Variants in TSHR observed in about 807,000 individuals in gnomAD.
TSHR encodes the protein thyroid stimulating hormone receptor.
Under a neutral mutation model 64.1 loss-of-function variants are expected in TSHR, and 51 were observed. That is an observed-to-expected ratio of 0.80 (90% CI 0.64 to 1.01). The LOEUF (loss-of-function observed/expected upper bound fraction) is 1.01. Among genes scored for constraint, TSHR ranks in the 50% least tolerant of loss-of-function variants. The pLI is 0.00. For synonymous variants in TSHR, 361 were observed against 361.9 expected (o/e 1.00, Z 0.03); for missense variants, 877 against 942.8 (o/e 0.93, Z 0.91).
chr14:81,142,587 T>C (rs1325684674), intron 9 of TSHR, among the ~76,000 whole-genome samples: 4 of 148,532 alleles, frequency 2.7e-5, no homozygotes. Flanking sequence ...GAACCATTCG[T>C]GGGTTTTAAA....
At position 81,116,951 on chromosome 14, in the gene TSHR, G is replaced by C. The variant is rs1485603342; in HGVS notation, c.692+8499G>C. Among the ~76,000 whole-genome samples the C allele has an allele frequency of 2.9e-5, 4 of 138,776 alleles. No individual in the cohort carries two copies. The South Asian group carries it at 1.0e-3, about 36-fold the overall frequency. 91.0% of individuals were successfully genotyped at this position (138,776 alleles called of 152,430 possible). A position where few individuals can be genotyped will look rare whatever the true frequency, so the allele number is the denominator to read the frequency against. On this transcript the variant is annotated intron_variant, in intron 8 of 9. Coordinates refer to ENST00000298171, the MANE Select transcript of TSHR (RefSeq NM_000369.5). ...ATGACTACTGGGTACATAACGAAAT[G>C]AAGGCAGAAATAAAGATGTTCTTTG...
intron 1 of TSHR, among the ~76,000 whole-genome samples, chr14:80,972,332 G>A (rs905579406): frequency 2.0e-5 from 3 of 151,912 alleles, no homozygotes; most frequent in Non-Finnish European, 4.4e-5. Flanking sequence ...TCAGCTTTAT[G>A]CCCAGACCCA....
chr14:81,074,170 T>A, intron 3 of TSHR, among the ~76,000 whole-genome samples: 1 of 152,142 alleles, frequency 6.6e-6, no homozygotes. Context: ...AGTTTAAAAA[T>A]AAATTATTAA....
At chr14:81,013,597 T>C (rs1890034501) in intron 1 of TSHR, 1 of 152,214 alleles carries the variant, frequency 6.6e-6, no homozygotes, top group Non-Finnish European at 1.5e-5. Flanking sequence ...AGCTACTCTT[T>C]ATTGTCCACC....
chr14:81,109,361 A>G (rs1890123352), intron 8 of TSHR, among the ~76,000 whole-genome samples: 1 of 152,092 alleles, frequency 6.6e-6, no homozygotes, highest in Non-Finnish European at 1.5e-5. Context: ...GCGAGCCCAG[A>G]TCGTGCCACT....
intron 7 of TSHR, 33 bp from the exon 8 acceptor site, chr14:81,108,342 A>G (rs778121181): frequency 2.3e-6 from 2 of 879,510 alleles, no homozygotes; most frequent in Admixed American, 2.5e-5. Flanking sequence ...CACCTAATTC[A>G]TTCTCTCTCT....
chr14:80,962,940 A>C (rs1887110531), intron 1 of TSHR, among the ~76,000 whole-genome samples: 1 of 152,148 alleles, frequency 6.6e-6, no homozygotes, highest in Non-Finnish European at 1.5e-5. Flanking sequence ...ATTGAAACAC[A>C]TTTTTCCCCA....
In TSHR at chr14:81,139,779, CTTTCCTTGAG is replaced by C. The variant is rs1320718774; in HGVS notation, c.801_810del (p.Leu267PhefsTer30). On this transcript the variant is annotated frameshift_variant, in exon 9 of 10. Coordinates refer to ENST00000298171, the MANE Select transcript of TSHR (RefSeq NM_000369.5). LOFTEE classifies it high-confidence loss of function. ...CACCTGGACTCTTAAGAAACTTCCA[CTTTCCTTGAG>C]TTTCCTTCACCTCACACGGGCTGAC... The C allele has an allele frequency of 2.5e-6, 4 of 1,614,098 alleles. No individual in the cohort carries two copies. The African/African-American group carries it at 5.3e-5, about 22-fold the overall frequency.
intron 1 of TSHR, among the ~76,000 whole-genome samples, chr14:81,061,399 T>C (rs916221763): frequency 2.6e-5 from 4 of 152,068 alleles, no homozygotes; most frequent in Admixed American, 1.3e-4. Flanking sequence ...AACCTAAATG[T>C]CCATCAGTGA....
chr14:81,050,655 A>G (rs1885385003), intron 1 of TSHR: 1 of 152,214 alleles, frequency 6.6e-6, no homozygotes, highest in Non-Finnish European at 1.5e-5. Flanking sequence ...TATAAAGATA[A>G]TAATAGTAAA....
rs1048763886 is a variant in TSHR, at chr14:81,143,869, T to C, written c.1811T>C (p.Ile604Thr). The C allele has an allele frequency of 1.2e-6, 2 of 1,613,900 alleles. No individual in the cohort carries two copies. The highest frequency in any genetic ancestry group is 1.7e-6 in the Non-Finnish European group (2 of 1,180,030). The change falls in exon 10 of 10, where the codon ATC becomes ACC. Residue 604 changes from isoleucine to threonine, a missense_variant. Transcript: ENST00000298171. ...FVIVCCCYVK[I>T]YITVRNPQYN... Reference sequence around the variant, plus strand: ...ATCGTCTGCTGCTGTTATGTGAAGATCTACATCACAGTCCGAAATCCGCAG... The same window carrying C: ...ATCGTCTGCTGCTGTTATGTGAAGACCTACATCACAGTCCGAAATCCGCAG...
intron 8 of TSHR, 143 bp downstream of exon 8, chr14:81,108,595 T>C: frequency 6.2e-7 from 1 of 1,614,150 alleles, no homozygotes; most frequent in Middle Eastern, 1.6e-4. Flanking sequence ...CAAGTCCCTC[T>C]TTTCCTGGCT....
intron 1 of TSHR, among the ~76,000 whole-genome samples, chr14:80,979,747 C>T (rs1018619395): frequency 1.3e-5 from 2 of 152,168 alleles, no homozygotes; most frequent in Non-Finnish European, 2.9e-5. Flanking sequence ...TCACTCATCC[C>T]TAATATCAAA....
intron 1 of TSHR, among the ~76,000 whole-genome samples, chr14:81,045,941 A>T (rs1216471881): frequency 2.0e-5 from 3 of 152,196 alleles, no homozygotes; most frequent in African/African-American, 7.2e-5. Flanking sequence ...CAGATGACAA[A>T]TGGGCTTTTC....
At chr14:80,973,978 T>C (rs1441921886) in intron 1 of TSHR, among the ~76,000 whole-genome samples, 1 of 152,224 alleles carries the variant, frequency 6.6e-6, no homozygotes, top group Non-Finnish European at 1.5e-5. Flanking sequence ...TGGGAGATTC[T>C]ATTTACTCAA....
intron 8 of TSHR, among the ~76,000 whole-genome samples, chr14:81,128,489 ATCT>A (rs1891106403): frequency 6.6e-6 from 1 of 152,332 alleles, no homozygotes; most frequent in South Asian, 2.1e-4. Flanking sequence ...TTACTTGATC[ATCT>A]TCTTAAATTT....
chr14:81,056,944 T>C (rs1885851697), intron 1 of TSHR, among the ~76,000 whole-genome samples: 1 of 152,246 alleles, frequency 6.6e-6, no homozygotes, highest in Admixed American at 6.5e-5. Flanking sequence ...AATGACAAGT[T>C]AAAATTATTT....
At chr14:81,067,234 C>T (rs998971145) in intron 2 of TSHR, among the ~76,000 whole-genome samples, 4 of 151,930 alleles carry the variant, frequency 2.6e-5, no homozygotes, top group Non-Finnish European at 5.9e-5. Flanking sequence ...AAAAATGCTT[C>T]TTATTGACTC....
chr14:81,037,381 G>A (rs1460009546), intron 1 of TSHR, among the ~76,000 whole-genome samples: 1 of 136,252 alleles, frequency 7.3e-6, no homozygotes, highest in Non-Finnish European at 1.6e-5. Context: ...AACCACACAG[G>A]TAAACTATAA....
Sources: gnomAD v4.1 joint callset for allele counts (sites outside exome capture counted in the v4.1 genomes callset) on GRCh38, gnomAD v4.1.1 for gene constraint, MANE v1.5 for transcripts, NCBI Gene and HGNC (gene_info 2026-07-23, HGNC 2026-07-21) for gene names.